The following SORBS3 variants were observed in gnomAD, a reference collection of about 807,000 sequenced individuals.
SORBS3 encodes sorbin and SH3 domain containing 3.
In SORBS3, 69 loss-of-function variants were observed where a neutral mutation model predicts 98.0. The ratio of observed to expected loss-of-function variants is 0.70; its 90% confidence interval spans 0.58 to 0.86. The LOEUF (loss-of-function observed/expected upper bound fraction) is 0.86, where lower values mean the gene tolerates loss of function less well. Ranked by LOEUF, SORBS3 falls within the 40% of genes least tolerant of loss-of-function variation. SORBS3 has a pLI of 0.00. For missense variants in SORBS3, 954 were observed against 908.5 expected, an observed-to-expected ratio of 1.05 and a Z score of -0.64; for synonymous variants, 394 against 355.4, an observed-to-expected ratio of 1.11 and a Z score of -1.22.
At position 22,567,089 on chromosome 8, in the gene SORBS3, G is replaced by A. The variant is rs1475917908; in HGVS notation, c.1219G>A (p.Val407Ile). 1 of 1,613,730 alleles carries A rather than the reference G, an allele frequency of 6.2e-7. No homozygotes were observed. Among genetic ancestry groups the A allele is most frequent in the African/African-American group, 1.3e-5 (1 of 75,050 alleles). The change falls in exon 16 of 21, where the codon GTC (valine) becomes ATC (isoleucine). Residue 407 changes from valine to isoleucine, a missense_variant. Transcript: ENST00000240123. ...GCTGACTCTGCAGAAGGGTGACATT[G>A]TCTACATCCACAAGGAGGTGGACAA... ...KELTLQKGDI[V>I]YIHKEVDKNW...
intron 11 of SORBS3, 85 bp downstream of exon 11, chr8:22,565,439 C>T: frequency 1.8e-6 from 2 of 1,132,268 alleles, no homozygotes; most frequent in Non-Finnish European, 2.4e-6. Flanking sequence ...CTGGGCTGGG[C>T]GGAGGACGGG....
Position 22,569,214 on chromosome 8 carries a change from G to C in SORBS3, c.1372G>C (p.Glu458Gln), listed in dbSNP as rs748623072. 1 of 1,611,154 alleles carries C rather than the reference G, an allele frequency of 6.2e-7. No individual in the cohort carries two copies. Among genetic ancestry groups the C allele is most frequent in the South Asian group, 1.1e-5 (1 of 90,502 alleles). ...GACCTACCAGGTGCTGGAGTATGGA[G>C]AGGCTGTGGCCCAGTACACCTTCAA... ...PPTYQVLEYG[E>Q]AVAQYTFKGD... The change falls in exon 17 of 21, where the codon GAG (glutamate) becomes CAG (glutamine). Residue 458 changes from glutamate to glutamine, a missense_variant. Coordinates refer to ENST00000240123, the MANE Select transcript of SORBS3 (RefSeq NM_005775.5).
intron 6 of SORBS3, 162 bp downstream of exon 6, chr8:22,561,535 CG>C (rs758625674): frequency 1.4e-6 from 1 of 733,472 alleles, no homozygotes; most frequent in Non-Finnish European, 2.3e-6. Flanking sequence ...TCAAATCCCC[CG>C]GTAGGTGGTA....
chr8:22,575,039 C>T lies in SORBS3; in HGVS notation c.*311C>T. 1 of 538,344 alleles carries T rather than the reference C, an allele frequency of 1.9e-6. No individual in the cohort carries two copies. Among genetic ancestry groups the T allele is most frequent in the Non-Finnish European group, 3.5e-6 (1 of 282,352 alleles). The allele number at this position is 538,344 out of a possible 1,614,324, so 33.3% of individuals were successfully genotyped here. A position where few individuals can be genotyped will look rare whatever the true frequency, so the allele number is the denominator to read the frequency against. Reference sequence around the variant, plus strand: ...AGACCAGACCCCAAGTCCCCCACCCCCATCCTGCTCCAGCGTTTCCTCTAA... The same window carrying T: ...AGACCAGACCCCAAGTCCCCCACCCTCATCCTGCTCCAGCGTTTCCTCTAA... On this transcript the variant is annotated 3_prime_UTR_variant, in exon 21 of 21. Transcript: ENST00000240123.
Position 22,566,325 on chromosome 8 carries a change from A to C in SORBS3, c.951-20A>C. On this transcript the variant is annotated intron_variant, in intron 12 of 20. Transcript: ENST00000240123. ...GTGCGGAGCCCCAGGCTGGAGGCTC[A>C]GTCTCTGTGCCCCGTGCAGCCCGGC... The C allele has an allele frequency of 6.2e-7, 1 of 1,609,978 alleles. No homozygotes were observed. Among genetic ancestry groups the C allele is most frequent in the Non-Finnish European group, 8.5e-7 (1 of 1,178,354 alleles).
upstream of SORBS3, among the ~76,000 whole-genome samples, chr8:22,549,469 C>G (rs1384008658): frequency 6.6e-6 from 1 of 152,164 alleles, no homozygotes; most frequent in Non-Finnish European, 1.5e-5. Flanking sequence ...ACTTTTCCCC[C>G]CTTAATCTAC....
At chr8:22,558,530 C>T (rs1252815780) in intron 5 of SORBS3, among the ~76,000 whole-genome samples, 1 of 150,698 alleles carries the variant, frequency 6.6e-6, no homozygotes, top group Non-Finnish European at 1.5e-5. Flanking sequence ...GGAGGCATTG[C>T]TTTCTTCCAC....
At chr8:22,548,965 A>G (rs1009325630), upstream of SORBS3, among the ~76,000 whole-genome samples, 1 of 152,186 alleles carries the variant, frequency 6.6e-6, no homozygotes, top group Non-Finnish European at 1.5e-5. Flanking sequence ...TCCCGTGGCT[A>G]ATCCTCCCCT....
intron 11 of SORBS3, 27 bp downstream of exon 11, chr8:22,565,381 G>C (rs1840386143): frequency 6.6e-7 from 1 of 1,515,102 alleles, no homozygotes; most frequent in Non-Finnish European, 8.9e-7. Context: ...TTCACCCGCG[G>C]GGCACGCCGG....
Position 22,565,770 on chromosome 8 carries a change from C to T in SORBS3, c.904-56C>T, listed in dbSNP as rs746231478. On this transcript the variant is annotated intron_variant, in intron 11 of 20. Coordinates refer to ENST00000240123, the MANE Select transcript of SORBS3 (RefSeq NM_005775.5). ...CGAACTTTTCCGGAGGCGGCGGCCT[C>T]GGCTGCCGCTGGGTCCCGGGGTCGC... The T allele has an allele frequency of 1.3e-4, 173 of 1,299,268 alleles. 2 individuals carry two copies. The African/African-American group carries it at 1.9e-3, about 14-fold the overall frequency. The allele number at this position is 1,299,268 out of a possible 1,614,324, so 80.5% of individuals were successfully genotyped here. A position where few individuals can be genotyped will look rare whatever the true frequency, so the allele number is the denominator to read the frequency against.
chr8:22,558,650 T>C (rs995628717), intron 5 of SORBS3, among the ~76,000 whole-genome samples: 1 of 152,314 alleles, frequency 6.6e-6, no homozygotes, highest in East Asian at 1.9e-4. Context: ...TGCTGAGCAC[T>C]ATTCTAGGTG....
In SORBS3 at chr8:22,554,440, C is replaced by G. The variant is rs1310362983; in HGVS notation, c.-55-12C>G. ...CTAGCAGGGCTTTCCCTTCCTTCCT[C>G]CTTCCCCACAGAGGACACGCAGAGG... is the stretch of plus-strand genomic sequence containing the variant. On this transcript the variant is annotated splice_polypyrimidine_tract_variant and intron_variant, in intron 1 of 20. Transcript: ENST00000240123. The surrounding 1 kb of genome is among the most constrained non-coding windows in gnomAD (Gnocchi z 6.5). The G allele has an allele frequency of 6.4e-7, 1 of 1,568,616 alleles. No homozygotes were observed. Among genetic ancestry groups the G allele is most frequent in the African/African-American group, 1.3e-5 (1 of 74,404 alleles).
upstream of SORBS3, among the ~76,000 whole-genome samples, chr8:22,548,833 C>T (rs1046616527): frequency 6.6e-6 from 1 of 152,160 alleles, no homozygotes; most frequent in African/African-American, 2.4e-5. Flanking sequence ...CCGCTCACCC[C>T]GCCTTCACTT....
rs779072491 is a variant in SORBS3 at position 22,574,887 on chromosome 8, G to T, written c.*159G>T. 17 of 716,870 alleles carry T rather than the reference G, an allele frequency of 2.4e-5. No individual in the cohort carries two copies. The highest frequency in any genetic ancestry group is 2.0e-5 in the Non-Finnish European group (8 of 400,774). The allele number at this position is 716,870 out of a possible 1,614,324, so 44.4% of individuals were successfully genotyped here. ...GCCTTTCCCTCGGACCCCCCTCGAAGCCCCCTGGACTGATTCCCACCCACG... is the reference window on the plus strand; with the variant it reads ...GCCTTTCCCTCGGACCCCCCTCGAATCCCCCTGGACTGATTCCCACCCACG... On this transcript the variant is annotated 3_prime_UTR_variant, in exon 21 of 21. Coordinates refer to ENST00000240123, the MANE Select transcript of SORBS3 (RefSeq NM_005775.5).
intron 10 of SORBS3, 27 bp downstream of exon 10, chr8:22,564,548 G>A: frequency 1.2e-6 from 2 of 1,613,452 alleles, no homozygotes; most frequent in Non-Finnish European, 1.7e-6. Context: ...GCTGGGGACA[G>A]CAGCCTGATA....
At chr8:22,556,932 G>A (rs757566910) in intron 4 of SORBS3, 24 bp downstream of exon 4, 18 of 1,609,232 alleles carry the variant, frequency 1.1e-5, no homozygotes, top group Admixed American at 3.3e-5. Context: ...TGGGGGCCAC[G>A]GAGAGATGGG....
At chr8:22,555,001 C>T (rs772659047) in intron 3 of SORBS3, 21 bp downstream of exon 3, 11 of 1,597,740 alleles carry the variant, frequency 6.9e-6, no homozygotes, top group South Asian at 1.1e-5. Context: ...TCAGGAGCCT[C>T]ATGCTGGAGA....
upstream of SORBS3, among the ~76,000 whole-genome samples, chr8:22,548,836 C>T (rs906803641): frequency 1.3e-5 from 2 of 152,190 alleles, no homozygotes; most frequent in African/African-American, 2.4e-5. Context: ...CTCACCCCGC[C>T]TTCACTTCAG....
chr8:22,574,398 G>T (rs73229806), intron 20 of SORBS3, among the ~76,000 whole-genome samples: 3 of 94,724 alleles, frequency 3.2e-5, no homozygotes, highest in Middle Eastern at 4.3e-3. Context: ...GCGGAGGAGG[G>T]GGGGAGTGAC....
Sources: allele counts gnomAD v4.1 joint callset (sites outside exome capture counted in the v4.1 genomes callset), GRCh38; gene constraint gnomAD v4.1.1; non-coding constraint Gnocchi (gnomAD v3.1); transcripts MANE v1.5; gene names NCBI Gene and HGNC (gene_info 2026-07-23, HGNC 2026-07-21).